Variants in PNPLA7 observed in about 807,000 individuals in gnomAD.
PNPLA7 encodes the protein patatin like domain 7, lysophospholipase.
In PNPLA7, 153 loss-of-function variants were observed where a neutral mutation model predicts 161.7. The observed-to-expected ratio is 0.95, with a 90% CI of 0.83 to 1.08. The LOEUF is 1.08. Ranked by LOEUF, PNPLA7 falls within the 50% of genes least tolerant of loss-of-function variation. The pLI is 0.00. For missense variants in PNPLA7, 1,739 were observed against 1,856.6 expected (o/e 0.94, Z 1.16); for synonymous variants, 809 against 782.1 (o/e 1.03, Z -0.57).
At chr9:137,518,718 A>C (rs1177061464) in intron 11 of PNPLA7, among the ~76,000 whole-genome samples, 2 of 38,828 alleles carry the variant, frequency 5.2e-5, no homozygotes, top group African/African-American at 1.2e-4. Context: ...TCCATCCCCC[A>C]CTCACTCACT....
At chr9:137,502,769 T>C (rs1286868339) in intron 14 of PNPLA7, among the ~76,000 whole-genome samples, 1 of 25,146 alleles carries the variant, frequency 4.0e-5, no homozygotes, top group African/African-American at 1.8e-4. Context: ...CACGGTGACA[T>C]GGACGAGGCC....
intron 23 of PNPLA7, chr9:137,479,512 C>T (rs1441501063): frequency 8.5e-7 from 1 of 1,180,414 alleles, no homozygotes. Flanking sequence ...TAAACACACA[C>T]AGCAACCTTT....
chr9:137,481,094 C>T, intron 21 of PNPLA7, 71 bp from the exon 22 acceptor site: 7 of 1,498,384 alleles, frequency 4.7e-6, no homozygotes, highest in Non-Finnish European at 5.5e-6. Flanking sequence ...GGCACCGACA[C>T]CCAGCAAGGT....
chr9:137,512,793 AAAAAG>A (rs756176494), intron 12 of PNPLA7, among the ~76,000 whole-genome samples: 66 of 151,666 alleles, frequency 4.4e-4, no homozygotes, highest in Admixed American at 9.8e-4. Context: ...CAAGAAAAAT[AAAAAG>A]AAAATACAAA....
intron 12 of PNPLA7, among the ~76,000 whole-genome samples, chr9:137,507,623 C>T (rs528620812): frequency 5.9e-5 from 9 of 152,154 alleles, no homozygotes; most frequent in South Asian, 2.1e-4. Context: ...GAGCTGAGAT[C>T]GCACCATTGC....
chr9:137,460,932 C>T, intron 33 of PNPLA7, 195 bp from the exon 34 acceptor site: 1 of 578,680 alleles, frequency 1.7e-6, no homozygotes. Context: ...CAGCTTTGCC[C>T]CAGCACATCA....
At chr9:137,474,207 C>A (rs1229580414) in intron 25 of PNPLA7, among the ~76,000 whole-genome samples, 3 of 152,166 alleles carry the variant, frequency 2.0e-5, no homozygotes, top group Non-Finnish European at 2.9e-5. Context: ...CCACTGCACT[C>A]CAGCCTGGGC....
At position 137,493,011 on chromosome 9, in the gene PNPLA7, A is replaced by G; in HGVS notation, c.2197+2T>C. On this transcript the variant is annotated splice_donor_variant, in intron 20 of 34. Coordinates refer to ENST00000406427, the MANE Select transcript of PNPLA7 (RefSeq NM_001098537.3). LOFTEE classifies it high-confidence loss of function. ...GGCTCTGGGTTGGGAGAGGTGACCC[A>G]CCTGTCACAGGTCCCTGCTGGAGGC... 1.7e-5 allele frequency: 27 copies of G among 1,613,206 alleles called. No individual in the cohort carries two copies. The highest frequency in any genetic ancestry group is 2.2e-5 in the Non-Finnish European group (26 of 1,179,884).
chr9:137,545,861 C>T (rs552732691), intron 4 of PNPLA7, among the ~76,000 whole-genome samples: 19 of 152,246 alleles, frequency 1.2e-4, no homozygotes, highest in Admixed American at 7.2e-4. Context: ...TGTTGCCAAG[C>T]GGACCGTGAT....
chr9:137,479,629 C>G, intron 23 of PNPLA7: 1 of 985,412 alleles, frequency 1.0e-6, no homozygotes, highest in Non-Finnish European at 1.2e-6. Context: ...AGGATTAGCC[C>G]AGGCAGGCTT....
intron 11 of PNPLA7, among the ~76,000 whole-genome samples, chr9:137,518,995 C>G (rs1834836607): frequency 7.0e-6 from 1 of 143,752 alleles, no homozygotes; most frequent in Non-Finnish European, 1.5e-5. Context: ...CCCACTCACT[C>G]ACTCCACTCT....
intron 14 of PNPLA7, among the ~76,000 whole-genome samples, chr9:137,502,397 C>A (rs1226299482): frequency 1.3e-5 from 2 of 151,742 alleles, no homozygotes. Flanking sequence ...ACTTCCCAAA[C>A]CCTGACGGTG....
At position 137,468,267 on chromosome 9, in the gene PNPLA7, C is replaced by T. The variant is rs1024358037; in HGVS notation, c.2883-794G>A. Reference sequence around the variant, plus strand: ...TACTGCTGCTTTCATACAGAATGTCCACCACTCAACCAAAGATTACCAGTC... The same window carrying T: ...TACTGCTGCTTTCATACAGAATGTCTACCACTCAACCAAAGATTACCAGTC... On this transcript the variant is annotated intron_variant, in intron 25 of 34. Transcript: ENST00000406427. The surrounding 1 kb of genome is among the most constrained non-coding windows in gnomAD (Gnocchi z 4.0). 2.0e-5 allele frequency among the ~76,000 whole-genome samples: 3 copies of T among 151,706 alleles called. No individual in the cohort carries two copies. Among genetic ancestry groups the T allele is most frequent in the African/African-American group, 7.3e-5 (3 of 41,314 alleles).
chr9:137,532,871 C>T (rs1198707697), intron 8 of PNPLA7, among the ~76,000 whole-genome samples: 3 of 152,158 alleles, frequency 2.0e-5, no homozygotes, highest in South Asian at 2.1e-4. Context: ...GGTGTGGCTA[C>T]GAATCCAAGA....
chr9:137,542,690 G>A lies in PNPLA7; in HGVS notation c.618C>T (p.Ser206=), dbSNP rs1836272796. ...GCCGCCCGTCCTGCACCACACAGATGCTGGGGTCCGGCTCCCTGGGCTGGA... is the reference window on the plus strand; with the variant it reads ...GCCGCCCGTCCTGCACCACACAGATACTGGGGTCCGGCTCCCTGGGCTGGA... The part of the protein sequence containing the change: ...HVFQPREPDP[S]ICVVQDGRLE... Residue 206 remains serine (S), a synonymous_variant, in exon 7 of 35, where the codon AGC becomes AGT. Coordinates refer to ENST00000406427, the MANE Select transcript of PNPLA7 (RefSeq NM_001098537.3). 6.2e-7 allele frequency: 1 copy of A among 1,613,172 alleles called. No individual in the cohort carries two copies. Among genetic ancestry groups the A allele is most frequent in the Admixed American group, 1.7e-5 (1 of 60,010 alleles).
intron 9 of PNPLA7, among the ~76,000 whole-genome samples, chr9:137,521,924 A>T (rs766463724): frequency 1.3e-5 from 2 of 152,234 alleles, no homozygotes. Flanking sequence ...CAAGGGGCAC[A>T]TGAAGACTGC....
rs1330118323 is a variant in PNPLA7 at position 137,500,914 on chromosome 9, T to C, written c.1552-18A>G. The C allele has an allele frequency of 1.9e-6, 3 of 1,548,138 alleles. No individual in the cohort carries two copies. ...CTGGCGTCCTGACACACGAGAGGGC[T>C]CAGGAGGCGCCGCGAGTGGCCGCGG... On this transcript the variant is annotated intron_variant, in intron 15 of 34. Coordinates refer to ENST00000406427, the MANE Select transcript of PNPLA7 (RefSeq NM_001098537.3). This position sits in a 1 kb window ranked among gnomAD's most constrained non-coding sequence, Gnocchi z 5.5.
intron 23 of PNPLA7, chr9:137,479,947 G>C: frequency 1.1e-6 from 1 of 948,520 alleles, no homozygotes; most frequent in African/African-American, 1.8e-5. Context: ...AGAGGAACAG[G>C]AACGACGCCG....
chr9:137,504,567 G>T (rs1833810431), intron 14 of PNPLA7, among the ~76,000 whole-genome samples: 1 of 152,150 alleles, frequency 6.6e-6, no homozygotes, highest in African/African-American at 2.4e-5. Flanking sequence ...CCCTTACTCA[G>T]ATCCTGATCT....
Sources: gnomAD v4.1 joint callset for allele counts (sites outside exome capture counted in the v4.1 genomes callset) on GRCh38, gnomAD v4.1.1 for gene constraint, Gnocchi (gnomAD v3.1) non-coding constraint, MANE v1.5 for transcripts, NCBI Gene and HGNC (gene_info 2026-07-23, HGNC 2026-07-21) for gene names.